Variants in SYNPR observed in about 807,000 individuals in gnomAD.
The protein encoded by SYNPR is synaptoporin.
Under a neutral mutation model 32.9 loss-of-function variants are expected in SYNPR, and 23 were observed. The observed-to-expected ratio is 0.70, with a 90% CI of 0.50 to 0.99. The LOEUF (loss-of-function observed/expected upper bound fraction) is 0.99. Among genes scored for constraint, SYNPR ranks in the 50% least tolerant of loss-of-function variants. The probability of loss-of-function intolerance (pLI) is 0.00; values close to 1 mark genes in which losing one functional copy is unlikely to be tolerated. For synonymous variants in SYNPR, 146 were observed against 135.9 expected (o/e 1.07, Z -0.52); for missense variants, 318 against 349.3 (o/e 0.91, Z 0.71).
At chr3:63,455,227 T>C (rs1700459478) in intron 2 of SYNPR, among the ~76,000 whole-genome samples, 1 of 152,124 alleles carries the variant, frequency 6.6e-6, no homozygotes, top group Non-Finnish European at 1.5e-5. Flanking sequence ...TGAGCCAATA[T>C]GTTAAAGGAG....
intron 3 of SYNPR, among the ~76,000 whole-genome samples, chr3:63,484,139 C>T (rs1261385464): frequency 1.3e-5 from 2 of 152,152 alleles, no homozygotes; most frequent in African/African-American, 4.8e-5. Flanking sequence ...TGCATATCTC[C>T]TTTACAGCAC....
the SYNPR span, among the ~76,000 whole-genome samples, chr3:63,202,104 T>C: frequency 6.6e-6 from 1 of 152,158 alleles, no homozygotes; most frequent in East Asian, 1.9e-4. Context: ...ACACCTCTGA[T>C]CTCCTTCCAG....
intron 2 of SYNPR, among the ~76,000 whole-genome samples, chr3:63,417,947 ACT>A (rs2088563455): frequency 6.6e-6 from 1 of 152,126 alleles, no homozygotes; most frequent in African/African-American, 2.4e-5. Context: ...CATTTTCTAC[ACT>A]GTCTTGGTGA....
chr3:63,474,120 C>T (rs1700856515), intron 2 of SYNPR, among the ~76,000 whole-genome samples: 1 of 152,126 alleles, frequency 6.6e-6, no homozygotes, highest in South Asian at 2.1e-4. Context: ...AACTGGGGCT[C>T]GGTCTCAATG....
intron 4 of SYNPR, among the ~76,000 whole-genome samples, chr3:63,577,024 C>A (rs1429166458): frequency 6.6e-6 from 1 of 151,930 alleles, no homozygotes; most frequent in African/African-American, 2.4e-5. Context: ...TGTGAGGGGG[C>A]AAATCTCACT....
chr3:63,206,080 C>T, the SYNPR span, among the ~76,000 whole-genome samples: 3 of 152,016 alleles, frequency 2.0e-5, no homozygotes, highest in Non-Finnish European at 2.9e-5. Context: ...TCCTTTTTTG[C>T]TTGTATGCAA....
In SYNPR at chr3:63,332,407, G is replaced by A. The variant is rs1002566676; in HGVS notation, c.84+53665G>A. On this transcript the variant is annotated intron_variant, in intron 2 of 5. Coordinates refer to ENST00000478300, the MANE Select transcript of SYNPR (RefSeq NM_001130003.2). Reference sequence around the variant, plus strand: ...AAGTAACTGATCAATTAATGACTGCGTCTCACATCAGAATGTAAGTTCCAT... The same window carrying A: ...AAGTAACTGATCAATTAATGACTGCATCTCACATCAGAATGTAAGTTCCAT... Among the ~76,000 whole-genome samples the A allele has an allele frequency of 1.2e-4, 18 of 152,256 alleles. No individual in the cohort carries two copies. The East Asian group carries it at 1.4e-3, about 11-fold the overall frequency.
rs531832893 is a variant in SYNPR at position 63,452,855 on chromosome 3, T to C, written c.85-27977T>C. 3.3e-5 allele frequency among the ~76,000 whole-genome samples: 5 copies of C among 152,240 alleles called. No homozygotes were observed. In the South Asian group the frequency reaches 8.3e-4, roughly 25 times the overall value. On this transcript the variant is annotated intron_variant, in intron 2 of 5. Coordinates refer to ENST00000478300, the MANE Select transcript of SYNPR (RefSeq NM_001130003.2). The stretch of plus-strand genomic sequence containing the variant: ...ATACAGTTTATGTCCTGGTAAATAC[T>C]GGTAAAATGGAGGGAAAAAATGGAT...
intron 3 of SYNPR, among the ~76,000 whole-genome samples, chr3:63,508,147 A>G (rs1701625493): frequency 6.6e-6 from 1 of 152,144 alleles, no homozygotes; most frequent in Admixed American, 6.6e-5. Flanking sequence ...TTCGAATAGC[A>G]TAGCTCCACC....
chr3:63,491,736 T>C (rs1390517483), intron 3 of SYNPR, among the ~76,000 whole-genome samples: 2 of 151,818 alleles, frequency 1.3e-5, no homozygotes, highest in African/African-American at 4.8e-5. Flanking sequence ...GGCCATGCTG[T>C]TCTCGAACTC....
chr3:63,588,854 A>T (rs1055570587), intron 4 of SYNPR, among the ~76,000 whole-genome samples: 20 of 152,046 alleles, frequency 1.3e-4, no homozygotes, highest in Non-Finnish European at 2.4e-4. Context: ...CCTTGCACTC[A>T]AGCTTATCTT....
At chr3:63,574,875 A>C (rs1055438167) in intron 4 of SYNPR, among the ~76,000 whole-genome samples, 2 of 152,162 alleles carry the variant, frequency 1.3e-5, no homozygotes, top group Non-Finnish European at 2.9e-5. Flanking sequence ...TTCAAAGTAC[A>C]GTCAGATAAA....
chr3:63,474,118 C>T (rs1442381793), intron 2 of SYNPR, among the ~76,000 whole-genome samples: 2 of 152,148 alleles, frequency 1.3e-5, no homozygotes, highest in Non-Finnish European at 2.9e-5. Flanking sequence ...GAAACTGGGG[C>T]TCGGTCTCAA....
At chr3:63,517,208 G>T (rs992499518) in intron 3 of SYNPR, among the ~76,000 whole-genome samples, 2 of 152,014 alleles carry the variant, frequency 1.3e-5, no homozygotes, top group Non-Finnish European at 2.9e-5. Flanking sequence ...ATAGCATAGG[G>T]GTTCTAAGCA....
chr3:63,350,035 A>G (rs1387856442), intron 2 of SYNPR, among the ~76,000 whole-genome samples: 1 of 152,212 alleles, frequency 6.6e-6, no homozygotes, highest in Admixed American at 6.5e-5. Flanking sequence ...CAGTCTCTTT[A>G]AACTAAAGCT....
intron 2 of SYNPR, among the ~76,000 whole-genome samples, chr3:63,453,087 A>G (rs1700409221): frequency 6.6e-6 from 1 of 152,104 alleles, no homozygotes; most frequent in Non-Finnish European, 1.5e-5. Flanking sequence ...ATCCCGACCT[A>G]TTGAGTATTG....
chr3:63,390,896 C>A (rs1397922996), intron 2 of SYNPR, among the ~76,000 whole-genome samples: 27 of 152,212 alleles, frequency 1.8e-4, no homozygotes, highest in Non-Finnish European at 2.9e-5. Context: ...CCGCGCTCTT[C>A]TTTGCATCTG....
At chr3:63,600,258 C>T (rs1700019642) in intron 4 of SYNPR, among the ~76,000 whole-genome samples, 1 of 152,200 alleles carries the variant, frequency 6.6e-6, no homozygotes, top group Non-Finnish European at 1.5e-5. Flanking sequence ...ACTGCTGCTG[C>T]TCCTAAAACA....
chr3:63,231,309 G>A (rs1351648528), intron 1 of SYNPR, among the ~76,000 whole-genome samples: 3 of 152,018 alleles, frequency 2.0e-5, no homozygotes, highest in South Asian at 2.1e-4. Context: ...TGATATAATC[G>A]ACTCTGGGGA....
Sources: allele counts gnomAD v4.1 joint callset (sites outside exome capture counted in the v4.1 genomes callset), GRCh38; gene constraint gnomAD v4.1.1; transcripts MANE v1.5; gene names NCBI Gene and HGNC (gene_info 2026-07-23, HGNC 2026-07-21).